Variants in SERPINB12 observed in about 807,000 individuals in gnomAD.
The protein encoded by SERPINB12 is serpin family B member 12.
A neutral mutation model predicts 41.1 loss-of-function variants in SERPINB12; 57 were observed. That is an observed-to-expected ratio of 1.39 (90% confidence interval 1.12 to 1.73). The LOEUF is 1.73. SERPINB12 is among the 40% of genes most tolerant of loss of function. SERPINB12 has a pLI of 0.00. For synonymous variants in SERPINB12, 180 were observed against 181.3 expected (o/e 0.99, Z 0.06); for missense variants, 536 against 501.9 (o/e 1.07, Z -0.65).
intron 5 of SERPINB12, among the ~76,000 whole-genome samples, chr18:63,563,058 C>A (rs1231419259): frequency 6.6e-6 from 1 of 152,180 alleles, no homozygotes; most frequent in Non-Finnish European, 1.5e-5. Flanking sequence ...CTTACTGCTT[C>A]TTGGCTGTGT....
Position 63,566,775 on chromosome 18 carries a change from G to A in SERPINB12, c.1042G>A (p.Ala348Thr). 3 of 1,614,076 alleles carry A rather than the reference G, an allele frequency of 1.9e-6. No homozygotes were observed. In the South Asian group the frequency reaches 3.3e-5, roughly 18 times the overall value. ...GITDIFDETR[A>T]DLTGISPSPN... ...TACGGATATCTTTGATGAAACGAGG[G>A]CTGATCTTACTGGAATCTCTCCAAG... Residue 348 changes from alanine to threonine, a missense_variant, in exon 8 of 8, where the codon GCT (alanine) becomes ACT (threonine). Transcript: ENST00000382768.
At chr18:63,531,406 C>G in the SERPINB12 span, among the ~76,000 whole-genome samples, 1 of 152,152 alleles carries the variant, frequency 6.6e-6, no homozygotes, top group Non-Finnish European at 1.5e-5. Flanking sequence ...TTTTTACTAT[C>G]AAACTCAGAT....
the SERPINB12 span, among the ~76,000 whole-genome samples, chr18:63,530,858 C>T: frequency 1.3e-5 from 2 of 152,180 alleles, no homozygotes; most frequent in African/African-American, 4.8e-5. Context: ...GAAAACCTAA[C>T]CAAGGCGGCC....
At position 63,543,526 on chromosome 18, in the gene SERPINB12, G is replaced by T. The variant is rs150629715; in HGVS notation, c.-19+1034G>T. 2.7e-3 allele frequency among the ~76,000 whole-genome samples: 406 copies of T among 152,078 alleles called. 2 individuals carry two copies. Among genetic ancestry groups the T allele is most frequent in the African/African-American group, 9.6e-3 (397 of 41,484 alleles). On this transcript the variant is annotated intron_variant, in intron 1 of 7. Transcript: ENST00000382768. Reference sequence around the variant, plus strand: ...TGTTATTTTACTGTAATACTGAAGGGCATTAGGGTTTTGCTTGGGGTTAAG... The same window carrying T: ...TGTTATTTTACTGTAATACTGAAGGTCATTAGGGTTTTGCTTGGGGTTAAG...
At position 63,565,475 on chromosome 18, in the gene SERPINB12, C is replaced by CA. The variant is rs758513575; in HGVS notation, c.741dup (p.Gly248ArgfsTer36). 36 of 1,613,458 alleles carry CA rather than the reference C, an allele frequency of 2.2e-5. No individual in the cohort carries two copies. The highest frequency in any genetic ancestry group is 4.0e-5 in the African/African-American group (3 of 74,862). On this transcript the variant is annotated frameshift_variant, in exon 7 of 8. Coordinates refer to ENST00000382768, the MANE Select transcript of SERPINB12 (RefSeq NM_001307928.2). LOFTEE classifies it high-confidence loss of function. Reference sequence around the variant, plus strand: ...AAACAAGAGTGTGAAGATGATGACGCAAAAAGGCCTCTACAGAATTGGCTT... The same window carrying CA: ...AAACAAGAGTGTGAAGATGATGACGCAAAAAAGGCCTCTACAGAATTGGCTT...
At chr18:63,532,535 A>G in the SERPINB12 span, among the ~76,000 whole-genome samples, 1 of 152,128 alleles carries the variant, frequency 6.6e-6, no homozygotes, top group Non-Finnish European at 1.5e-5. Context: ...CCTGGACTGT[A>G]TGTCTATAGG....
intron 7 of SERPINB12, 72 bp downstream of exon 7, chr18:63,565,684 C>G (rs1407745536): frequency 7.5e-7 from 1 of 1,330,232 alleles, no homozygotes; most frequent in South Asian, 1.7e-5. Context: ...TGTCTACTAT[C>G]TACCATCTCG....
chr18:63,566,493 A>G, intron 7 of SERPINB12, 114 bp from the exon 8 acceptor site: 2 of 828,010 alleles, frequency 2.4e-6, no homozygotes, highest in Non-Finnish European at 3.8e-6. Flanking sequence ...GCTTAGGGAA[A>G]GGTCTTGAAG....
rs754803469 is a variant in SERPINB12 at position 63,556,282 on chromosome 18, G to C, written c.123G>C (p.Met41Ile). The C allele has an allele frequency of 4.5e-5, 73 of 1,613,960 alleles. No individual in the cohort carries two copies. Among genetic ancestry groups the C allele is most frequent in the Non-Finnish European group, 5.6e-5 (66 of 1,179,982 alleles). The change falls in exon 2 of 8, where the codon ATG becomes ATC. Residue 41 changes from methionine (M) to isoleucine (I), a missense_variant. Physicochemically the swap from Met to Ile is conservative, Grantham distance 10. Transcript: ENST00000382768. Reference protein sequence around the residue: ...SPLSLSAALGMVRLGARSDSA... With the variant: ...SPLSLSAALGIVRLGARSDSA... ...TGAGCCTCTCAGCTGCCCTTGGTAT[G>C]GTACGCTTGGGTGCTAGAAGTGACA... is the stretch of plus-strand genomic sequence containing the variant.
the SERPINB12 span, among the ~76,000 whole-genome samples, chr18:63,535,788 TAGAC>T: frequency 1.3e-5 from 2 of 152,046 alleles, no homozygotes; most frequent in Admixed American, 1.3e-4. Context: ...TTAGAGCTAA[TAGAC>T]AGGATGTATG....
intron 1 of SERPINB12, among the ~76,000 whole-genome samples, chr18:63,544,478 A>T (rs1393637509): frequency 3.3e-5 from 5 of 152,166 alleles, no homozygotes; most frequent in Non-Finnish European, 7.3e-5. Context: ...TGAAGTTTTC[A>T]TGATGTAGTT....
chr18:63,549,718 C>A (rs1024016976), intron 1 of SERPINB12, among the ~76,000 whole-genome samples: 4 of 152,132 alleles, frequency 2.6e-5, no homozygotes, highest in African/African-American at 7.2e-5. Context: ...AGTTCACGGC[C>A]GTCCTGAGAT....
the SERPINB12 span, among the ~76,000 whole-genome samples, chr18:63,529,590 G>A: frequency 6.6e-6 from 1 of 152,104 alleles, no homozygotes; most frequent in Admixed American, 6.6e-5. Flanking sequence ...TGTGTTGACA[G>A]TTTTCTACTG....
chr18:63,561,503 C>T (rs527693067), intron 5 of SERPINB12, among the ~76,000 whole-genome samples: 2 of 152,322 alleles, frequency 1.3e-5, no homozygotes, highest in Admixed American at 6.5e-5. Context: ...AGAGTTAAAA[C>T]AGAGCTGTCA....
In SERPINB12 at chr18:63,546,619, GCTTCATGGT is replaced by G. The variant is rs376849444; in HGVS notation, c.-19+4132_-19+4140del. On this transcript the variant is annotated intron_variant, in intron 1 of 7. Transcript: ENST00000382768. Reference sequence around the variant, plus strand: ...TGTATATGAAGTAAAATACATTTCTGCTTCATGGTCTTCTAGTATAGAAATTTGAATTGA... The same window carrying G: ...TGTATATGAAGTAAAATACATTTCTGCTTCTAGTATAGAAATTTGAATTGA... Among the ~76,000 whole-genome samples, 798 of 152,270 alleles carry G rather than the reference GCTTCATGGT, an allele frequency of 5.2e-3. 3 individuals are homozygous for G. Among genetic ancestry groups the G allele is most frequent in the African/African-American group, 0.019 (770 of 41,550 alleles).
chr18:63,553,660 C>A (rs576963422), intron 1 of SERPINB12, among the ~76,000 whole-genome samples: 3 of 152,146 alleles, frequency 2.0e-5, no homozygotes, highest in Non-Finnish European at 4.4e-5. Context: ...AGATTTTGAT[C>A]AAACATTAAC....
intron 7 of SERPINB12, 81 bp downstream of exon 7, chr18:63,565,693 C>G (rs1042034948): frequency 1.6e-6 from 2 of 1,225,514 alleles, no homozygotes; most frequent in Non-Finnish European, 2.2e-6. Context: ...TCTACCATCT[C>G]GAGGAAATTC....
At chr18:63,537,681 C>T (rs1188981484), upstream of SERPINB12, among the ~76,000 whole-genome samples, 1 of 152,034 alleles carries the variant, frequency 6.6e-6, no homozygotes, top group African/African-American at 2.4e-5. Context: ...CAATCAAGCC[C>T]GAGTTTTAAC....
At chr18:63,559,746 G>A (rs371466083) in intron 4 of SERPINB12, 28 bp downstream of exon 4, 8 of 1,612,508 alleles carry the variant, frequency 5.0e-6, no homozygotes, top group African/African-American at 1.3e-5. Context: ...GGTGACTAAA[G>A]CTACCATGTA....
Sources: gnomAD v4.1 joint callset for allele counts (sites outside exome capture counted in the v4.1 genomes callset) on GRCh38, gnomAD v4.1.1 for gene constraint, MANE v1.5 for transcripts, NCBI Gene and HGNC (gene_info 2026-07-23, HGNC 2026-07-21) for gene names.